The following MGAT4C variants were observed in gnomAD, a reference collection of about 807,000 sequenced individuals.
MGAT4C encodes the protein MGAT4 family member C, also known as alpha-1,3-mannosyl-glycoprotein 4-beta-N-acetylglucosaminyltransferase C.
Under a neutral mutation model 40.1 loss-of-function variants are expected in MGAT4C, and 19 were observed. That is an observed-to-expected ratio of 0.47 (90% confidence interval 0.33 to 0.70). The LOEUF is 0.70. Among genes scored for constraint, MGAT4C ranks in the 30% least tolerant of loss-of-function variants. The pLI is 0.02. For missense variants in MGAT4C, 491 were observed against 563.2 expected (o/e 0.87, Z 1.30); for synonymous variants, 181 against 187.1 (o/e 0.97, Z 0.27).
At chr12:86,741,229 A>C (rs1951063662) in intron 1 of MGAT4C, among the ~76,000 whole-genome samples, 1 of 151,282 alleles carries the variant, frequency 6.6e-6, no homozygotes, top group Admixed American at 6.6e-5. Flanking sequence ...AATAGCAAAG[A>C]CCTAAGGGCC....
chr12:86,212,986 AAC>A (rs1328584911), intron 1 of MGAT4C, among the ~76,000 whole-genome samples: 1 of 150,836 alleles, frequency 6.6e-6, no homozygotes, highest in Non-Finnish European at 1.5e-5. Context: ...TACTTCCATG[AAC>A]AGTGTCTTTA....
chr12:86,626,220 T>C (rs1195282967), intron 2 of MGAT4C, among the ~76,000 whole-genome samples: 1 of 152,124 alleles, frequency 6.6e-6, no homozygotes, highest in Non-Finnish European at 1.5e-5. Flanking sequence ...GCTAGGAATA[T>C]AAAAATTGAG....
chr12:86,121,495 A>G (rs1461827638), intron 1 of MGAT4C, among the ~76,000 whole-genome samples: 3 of 152,200 alleles, frequency 2.0e-5, no homozygotes, highest in Non-Finnish European at 4.4e-5. Flanking sequence ...GCAGCCAGAG[A>G]TAAAGGTCAG....
At chr12:86,246,335 G>A (rs912117734) in intron 1 of MGAT4C, among the ~76,000 whole-genome samples, 2 of 151,882 alleles carry the variant, frequency 1.3e-5, no homozygotes, top group African/African-American at 4.8e-5. Context: ...ACAGGCGCCC[G>A]TCAACCATTG....
At chr12:86,469,542 A>G (rs1193485479) in intron 2 of MGAT4C, among the ~76,000 whole-genome samples, 4 of 152,156 alleles carry the variant, frequency 2.6e-5, no homozygotes, top group Non-Finnish European at 5.9e-5. Flanking sequence ...TACAGCCAGC[A>G]AGGAAGTGAA....
intron 3 of MGAT4C, among the ~76,000 whole-genome samples, chr12:86,362,225 A>T (rs1164946885): frequency 1.3e-5 from 2 of 152,210 alleles, no homozygotes; most frequent in Non-Finnish European, 2.9e-5. Context: ...TTCTCAGCAA[A>T]CTATCGCAAG....
chr12:86,354,248 G>A (rs1484927105), intron 3 of MGAT4C, among the ~76,000 whole-genome samples: 1 of 151,976 alleles, frequency 6.6e-6, no homozygotes, highest in Admixed American at 6.6e-5. Context: ...AGACAAACAA[G>A]TAAGTGCAAC....
At chr12:86,374,981 T>G (rs768535755) in intron 3 of MGAT4C, among the ~76,000 whole-genome samples, 2 of 152,168 alleles carry the variant, frequency 1.3e-5, no homozygotes, top group African/African-American at 2.4e-5. Context: ...TATTTTTTCA[T>G]GCTAGGAATG....
chr12:86,326,919 C>A (rs1249366341), intron 4 of MGAT4C, among the ~76,000 whole-genome samples: 2 of 152,106 alleles, frequency 1.3e-5, no homozygotes, highest in Non-Finnish European at 2.9e-5. Flanking sequence ...ATGATTCAGA[C>A]AATTGTCAAT....
chr12:86,113,306 T>C (rs760100072), intron 1 of MGAT4C, among the ~76,000 whole-genome samples: 4 of 151,764 alleles, frequency 2.6e-5, no homozygotes, highest in Non-Finnish European at 5.9e-5. Flanking sequence ...TTAAGCAATA[T>C]TGATGTAGAG....
At chr12:86,293,218 A>G (rs1374427149) in intron 4 of MGAT4C, among the ~76,000 whole-genome samples, 1 of 152,158 alleles carries the variant, frequency 6.6e-6, no homozygotes, top group East Asian at 1.9e-4. Flanking sequence ...CAGTGTGTGC[A>G]TGGAGACAGT....
At chr12:86,488,106 G>C (rs988906286) in intron 2 of MGAT4C, among the ~76,000 whole-genome samples, 9 of 152,050 alleles carry the variant, frequency 5.9e-5, no homozygotes, top group Admixed American at 5.2e-4. Context: ...AATATTGGCT[G>C]GGCATAGTGG....
intron 2 of MGAT4C, among the ~76,000 whole-genome samples, chr12:86,531,835 A>G (rs868035805): frequency 3.7e-4 from 56 of 152,100 alleles, no homozygotes; most frequent in Middle Eastern, 3.4e-3. Flanking sequence ...AGGTTTTGGT[A>G]ACAATTTTAA....
chr12:86,108,334 G>A (rs1483592912), intron 1 of MGAT4C, among the ~76,000 whole-genome samples: 1 of 152,062 alleles, frequency 6.6e-6, no homozygotes, highest in Non-Finnish European at 1.5e-5. Flanking sequence ...CAGGGTGTGA[G>A]GCCATGCCAG....
Position 86,675,959 on chromosome 12 carries a change from A to G in MGAT4C, c.-229+51250T>C, listed in dbSNP as rs1964385712. Among the ~76,000 whole-genome samples, 3 of 78,260 alleles carry G rather than the reference A, an allele frequency of 3.8e-5. No individual in the cohort carries two copies. The Admixed American group carries it at 5.2e-4, about 14-fold the overall frequency. The allele number at this position is 78,260 out of a possible 152,430, so 51.3% of individuals were successfully genotyped here. A position where few individuals can be genotyped will look rare whatever the true frequency, so the allele number is the denominator to read the frequency against. ...CTTTATTTTTCTACTCATTAATCAC[A>G]AAGATAAAAAAGCAAAAAAAAAAAA... On this transcript the variant is annotated intron_variant, in intron 2 of 7. Transcript: ENST00000548651.
At chr12:86,030,624 A>G (rs1890665834) in intron 2 of MGAT4C, among the ~76,000 whole-genome samples, 1 of 151,748 alleles carries the variant, frequency 6.6e-6, no homozygotes, top group Non-Finnish European at 1.5e-5. Flanking sequence ...ATTAGTATAT[A>G]TATTTATGCA....
chr12:86,679,253 C>T (rs1949933383), intron 2 of MGAT4C, among the ~76,000 whole-genome samples: 1 of 152,078 alleles, frequency 6.6e-6, no homozygotes, highest in African/African-American at 2.4e-5. Context: ...TGTTCATATC[C>T]TTCACCCACT....
intron 2 of MGAT4C, among the ~76,000 whole-genome samples, chr12:86,666,571 G>T (rs914630549): frequency 1.3e-5 from 2 of 151,904 alleles, no homozygotes; most frequent in South Asian, 2.1e-4. Context: ...AATGTCATCT[G>T]CTCTGATGTG....
chr12:86,331,243 A>C lies in MGAT4C; in HGVS notation c.-57+2822T>G, dbSNP rs187877902. 1.6e-4 allele frequency among the ~76,000 whole-genome samples: 24 copies of C among 152,310 alleles called. No homozygotes were observed. In the East Asian group the frequency reaches 4.1e-3, roughly 26 times the overall value. ...CATTGGCATGCTTCCAAGCGGTTGC[A>C]TCCCTTCTCCCTTGATTCTTCCCTT... On this transcript the variant is annotated intron_variant, in intron 4 of 7. Transcript: ENST00000548651.
Sources: allele counts gnomAD v4.1 joint callset (sites outside exome capture counted in the v4.1 genomes callset), GRCh38; gene constraint gnomAD v4.1.1; transcripts MANE v1.5; gene names NCBI Gene and HGNC (gene_info 2026-07-23, HGNC 2026-07-21).